Variants in IL1RAPL1 observed in about 807,000 individuals in gnomAD.
The protein encoded by IL1RAPL1 is interleukin-1 receptor accessory protein-like 1.
Under a neutral mutation model 48.4 loss-of-function variants are expected in IL1RAPL1, and 3 were observed. That is an observed-to-expected ratio of 0.06 (90% confidence interval 0.03 to 0.16). The LOEUF (loss-of-function observed/expected upper bound fraction) is 0.16. Among genes scored for constraint, IL1RAPL1 ranks in the 10% least tolerant of loss-of-function variants. The pLI is 1.00. For missense variants in IL1RAPL1, 349 were observed against 530.6 expected, an observed-to-expected ratio of 0.66 and a Z score of 3.36; for synonymous variants, 185 against 187.7, an observed-to-expected ratio of 0.99 and a Z score of 0.12.
chrX:28,783,555 A>G (rs1454863593), intron 1 of IL1RAPL1, among the ~76,000 whole-genome samples: 2 of 111,459 alleles, frequency 1.8e-5, no homozygotes, highest in African/African-American at 3.3e-5. Flanking sequence ...GCCAATTTAG[A>G]AAAAAATTAT....
At chrX:29,251,904 G>A (rs1478876029) in intron 2 of IL1RAPL1, among the ~76,000 whole-genome samples, 4 of 111,060 alleles carry the variant, frequency 3.6e-5, no homozygotes, top group Admixed American at 9.6e-5. Context: ...AGAAAATGTG[G>A]CACATATACA....
intron 2 of IL1RAPL1, among the ~76,000 whole-genome samples, chrX:29,083,195 A>T (rs751382306): frequency 8.9e-6 from 1 of 111,787 alleles, no homozygotes; most frequent in Non-Finnish European, 1.9e-5. Context: ...TGTTTGAAAA[A>T]CTTGTATTTA....
At chrX:28,993,790 A>AT (rs1298863547) in intron 2 of IL1RAPL1, among the ~76,000 whole-genome samples, 1 of 112,033 alleles carries the variant, frequency 8.9e-6, no homozygotes, top group Non-Finnish European at 1.9e-5. Context: ...GTGTTCTCAT[A>AT]TTTTTCCCGA....
intron 1 of IL1RAPL1, among the ~76,000 whole-genome samples, chrX:28,694,967 AT>A (rs907244461): frequency 1.8e-5 from 2 of 108,855 alleles, no homozygotes; most frequent in African/African-American, 6.7e-5. Context: ...ATTCCTGTTA[AT>A]TTTTTTTTAA....
At chrX:29,289,412 G>GT (rs780098577) in intron 3 of IL1RAPL1, among the ~76,000 whole-genome samples, 12 of 111,791 alleles carry the variant, frequency 1.1e-4, no homozygotes, top group Non-Finnish European at 1.9e-4. Flanking sequence ...TAATTTCTGT[G>GT]TTTTTTATTC....
intron 6 of IL1RAPL1, among the ~76,000 whole-genome samples, chrX:29,814,952 G>A (rs765677763): frequency 2.5e-4 from 28 of 111,248 alleles, no homozygotes; most frequent in Non-Finnish European, 3.8e-4. Flanking sequence ...GTCTGTTCTC[G>A]TACCAGTACT....
intron 2 of IL1RAPL1, among the ~76,000 whole-genome samples, chrX:28,859,783 ATATT>A (rs990562116): frequency 2.8e-5 from 3 of 108,321 alleles, no homozygotes; most frequent in Admixed American, 2.0e-4. Flanking sequence ...TACAATAATA[ATATT>A]TATTACTATT....
chrX:29,204,212 G>A (rs1314898662), intron 2 of IL1RAPL1, among the ~76,000 whole-genome samples: 1 of 111,539 alleles, frequency 9.0e-6, no homozygotes, highest in Non-Finnish European at 1.9e-5. Flanking sequence ...TATACTAATC[G>A]CCTTTCTTTT....
At chrX:29,141,961 A>C (rs1028440095) in intron 2 of IL1RAPL1, among the ~76,000 whole-genome samples, 5 of 109,299 alleles carry the variant, frequency 4.6e-5, no homozygotes, top group Admixed American at 2.9e-4. Context: ...TATTGTAGTA[A>C]TATTTGCAAA....
At chrX:29,416,063 CTTA>C (rs1934211665) in intron 5 of IL1RAPL1, among the ~76,000 whole-genome samples, 1 of 111,415 alleles carries the variant, frequency 9.0e-6, no homozygotes, top group Admixed American at 9.6e-5. Context: ...AAGCTAATTT[CTTA>C]TTATACTCAC....
At chrX:28,693,585 A>C (rs976515413) in intron 1 of IL1RAPL1, among the ~76,000 whole-genome samples, 2 of 112,330 alleles carry the variant, frequency 1.8e-5, no homozygotes. Flanking sequence ...TTAGAATAGC[A>C]ATACAACACA....
chrX:28,631,006 G>A (rs1035143152), intron 1 of IL1RAPL1, among the ~76,000 whole-genome samples: 2 of 111,932 alleles, frequency 1.8e-5, no homozygotes, highest in Non-Finnish European at 3.8e-5. Context: ...TTTAGATGCA[G>A]GTTTATATTG....
At chrX:28,933,004 A>G (rs764015044) in intron 2 of IL1RAPL1, among the ~76,000 whole-genome samples, 13 of 111,445 alleles carry the variant, frequency 1.2e-4, no homozygotes, top group Non-Finnish European at 2.3e-4. Context: ...ACAAGTACCA[A>G]ATGTCTTTCT....
At chrX:29,062,163 T>C (rs1335076125) in intron 2 of IL1RAPL1, among the ~76,000 whole-genome samples, 1 of 112,273 alleles carries the variant, frequency 8.9e-6, no homozygotes, top group Non-Finnish European at 1.9e-5. Context: ...AATTTGAAGA[T>C]TTTTCACTAT....
intron 2 of IL1RAPL1, among the ~76,000 whole-genome samples, chrX:29,185,534 T>A (rs916977994): frequency 2.7e-5 from 3 of 112,105 alleles, no homozygotes; most frequent in African/African-American, 9.7e-5. Context: ...AAACGCTTGA[T>A]CAAGATTAGC....
At chrX:29,085,556 T>C (rs1927935085) in intron 2 of IL1RAPL1, among the ~76,000 whole-genome samples, 1 of 112,153 alleles carries the variant, frequency 8.9e-6, no homozygotes, top group Non-Finnish European at 1.9e-5. Context: ...CAAGATCACA[T>C]AGTAAGTGTA....
At chrX:29,128,810 A>G (rs1928953187) in intron 2 of IL1RAPL1, among the ~76,000 whole-genome samples, 2 of 111,259 alleles carry the variant, frequency 1.8e-5, no homozygotes, top group Admixed American at 1.9e-4. Context: ...ATGCATTTTA[A>G]TAAACACATT....
chrX:29,933,075 G>GA (rs1213998462), intron 8 of IL1RAPL1, among the ~76,000 whole-genome samples: 1 of 111,251 alleles, frequency 9.0e-6, no homozygotes, highest in East Asian at 2.8e-4. Context: ...CTTTGTGAAT[G>GA]AAAAAAAGAA....
In IL1RAPL1 at chrX:28,920,845, T is replaced by C. The variant is rs904834396; in HGVS notation, c.82+131420T>C. Among the ~76,000 whole-genome samples the C allele has an allele frequency of 9.8e-5, 11 of 112,105 alleles. No homozygotes were observed. In the Admixed American group the frequency reaches 1.0e-3, roughly 11 times the overall value. ...ACGAACAAAGAATAGGCAATTGTCA[T>C]GCACATGGAGGCACTACCTGTGCCT... On this transcript the variant is annotated intron_variant, in intron 2 of 10. Coordinates refer to ENST00000378993, the MANE Select transcript of IL1RAPL1 (RefSeq NM_014271.4).
Sources: gnomAD v4.1 joint callset for allele counts (sites outside exome capture counted in the v4.1 genomes callset) on GRCh38, gnomAD v4.1.1 for gene constraint, MANE v1.5 for transcripts, NCBI Gene and HGNC (gene_info 2026-07-23, HGNC 2026-07-21) for gene names.